Variants in ERN1 observed in about 807,000 individuals in gnomAD.
The protein encoded by ERN1 is endoplasmic reticulum to nucleus signaling 1, also known as serine/threonine-protein kinase/endoribonuclease IRE1.
ERN1 carries 39 observed loss-of-function variants against 113.1 expected under a neutral mutation model. The ratio of observed to expected loss-of-function variants is 0.34; its 90% CI spans 0.27 to 0.45. The LOEUF (loss-of-function observed/expected upper bound fraction) is 0.45. ERN1 is among the 20% of genes least tolerant of loss of function. The pLI is 1.00. For synonymous variants in ERN1, 507 were observed against 515.9 expected (o/e 0.98, Z 0.23); for missense variants, 976 against 1,274.8 (o/e 0.77, Z 3.57).
At chr17:64,073,391 G>A (rs1363801870) in intron 5 of ERN1, among the ~76,000 whole-genome samples, 6 of 146,032 alleles carry the variant, frequency 4.1e-5, no homozygotes, top group Non-Finnish European at 6.0e-5. Context: ...TAGTCAGGAT[G>A]GTCTCCATCT....
intron 8 of ERN1, among the ~76,000 whole-genome samples, 198 bp from the exon 9 acceptor site, chr17:64,065,485 A>C (rs1457600597): frequency 6.6e-6 from 1 of 152,134 alleles, no homozygotes; most frequent in Non-Finnish European, 1.5e-5. Context: ...GCTGTCACTC[A>C]CTGCAGAAAC....
chr17:64,054,688 G>A lies in ERN1; in HGVS notation c.1763+50C>T. 1 of 1,436,044 alleles carries A rather than the reference G, an allele frequency of 7.0e-7. No homozygotes were observed. Among genetic ancestry groups the A allele is most frequent in the Non-Finnish European group, 9.6e-7 (1 of 1,042,256 alleles). 89.0% of individuals were successfully genotyped at this position (1,436,044 alleles called of 1,614,324 possible). ...CTGGCACCAGGCTCGCAACCTGACAGGCACTTAGACACCAGGCGGTGAGGG... is the reference window on the plus strand; with the variant it reads ...CTGGCACCAGGCTCGCAACCTGACAAGCACTTAGACACCAGGCGGTGAGGG... On this transcript the variant is annotated intron_variant, in intron 14 of 21. Coordinates refer to ENST00000433197, the MANE Select transcript of ERN1 (RefSeq NM_001433.5). The surrounding 1 kb of genome is among the most constrained non-coding windows in gnomAD (Gnocchi z 4.9).
At chr17:64,060,171 C>G (rs780557282) in intron 11 of ERN1, among the ~76,000 whole-genome samples, 1 of 152,158 alleles carries the variant, frequency 6.6e-6, no homozygotes, top group Non-Finnish European at 1.5e-5. Context: ...AGGCTTTTGC[C>G]CTTGCTGTTC....
rs1555614071 is a variant in ERN1, at chr17:64,064,073, T to G, written c.1000A>C (p.Ile334Leu). 6 of 1,613,672 alleles carry G rather than the reference T, an allele frequency of 3.7e-6. No individual in the cohort carries two copies. The Admixed American group carries it at 1.0e-4, about 27-fold the overall frequency. The change falls in exon 10 of 22, where the codon ATC becomes CTC. Residue 334 changes from isoleucine to leucine, a missense_variant. By Grantham distance (5) the Ile-to-Leu change is conservative. This residue lies in a region of ERN1 where 459 missense variants were observed against 581.2 expected (regional missense o/e 0.79). Coordinates refer to ENST00000433197, the MANE Select transcript of ERN1 (RefSeq NM_001433.5). ...AACTTGACGTCCGTGCTGGGCGTGA[T>G]CACACACTCCCCCTTGTCCCCAATG... Reference protein sequence around the residue: ...VTIGDKGECVITPSTDVKFDP... With the variant: ...VTIGDKGECVLTPSTDVKFDP...
chr17:64,128,007 C>CT (rs538770412), intron 1 of ERN1, among the ~76,000 whole-genome samples: 11,540 of 144,044 alleles, frequency 0.08, 573 homozygotes, highest in African/African-American at 0.13. Context: ...TCTGACCTTT[C>CT]TTTTTTTTTT....
chr17:64,114,692 C>T (rs1914759693), intron 1 of ERN1, among the ~76,000 whole-genome samples: 1 of 151,816 alleles, frequency 6.6e-6, no homozygotes. Context: ...TTGCTGTTCA[C>T]ATCGTTGTAA....
intron 5 of ERN1, among the ~76,000 whole-genome samples, chr17:64,073,200 G>A (rs1052718416): frequency 9.2e-5 from 14 of 151,758 alleles, no homozygotes; most frequent in Non-Finnish European, 1.9e-4. Flanking sequence ...ATGGAGTCTC[G>A]CTCTGCCGCC....
intron 2 of ERN1, among the ~76,000 whole-genome samples, chr17:64,091,219 C>T (rs1291389727): frequency 6.6e-6 from 1 of 152,226 alleles, no homozygotes; most frequent in Non-Finnish European, 1.5e-5. Flanking sequence ...GTCCCACACA[C>T]TGCCTAAAGC....
intron 6 of ERN1, 34 bp from the exon 7 acceptor site, chr17:64,068,325 G>A (rs749688673): frequency 5.3e-5 from 77 of 1,453,356 alleles, no homozygotes; most frequent in East Asian, 1.9e-4. Flanking sequence ...CCATTACCAC[G>A]GAGGGGCCAT....
intron 6 of ERN1, among the ~76,000 whole-genome samples, chr17:64,069,744 C>T (rs1186467046): frequency 6.6e-6 from 1 of 152,100 alleles, no homozygotes; most frequent in African/African-American, 2.4e-5. Context: ...GGAGAAAGAC[C>T]CTGTCTCTTT....
chr17:64,106,643 G>A (rs1914534447), intron 1 of ERN1, among the ~76,000 whole-genome samples: 1 of 150,872 alleles, frequency 6.6e-6, no homozygotes, highest in Admixed American at 6.6e-5. Context: ...GGATGGATCA[G>A]CTGATTTTAA....
chr17:64,126,727 G>A (rs1466682355), intron 1 of ERN1, among the ~76,000 whole-genome samples: 2 of 151,954 alleles, frequency 1.3e-5, no homozygotes, highest in African/African-American at 4.8e-5. Context: ...ACTTGATATC[G>A]CCTATTAGGA....
At chr17:64,107,740 C>A (rs142215265) in intron 1 of ERN1, among the ~76,000 whole-genome samples, 5,282 of 152,250 alleles carry the variant, frequency 0.035, 124 homozygotes, top group Non-Finnish European at 0.052. Flanking sequence ...CAGTGAGTAA[C>A]AAATATTTCA....
Position 64,039,283 on chromosome 17 carries a change from CA to C in ERN1, c.*4704del, listed in dbSNP as rs1234240750. ...CTCATGTCTTCAAGCTTTAAAAATG[CA>C]CATAAAAGTTGTACAATCTGGCAGT... On this transcript the variant is annotated 3_prime_UTR_variant, in exon 22 of 22. Transcript: ENST00000433197. The C allele has an allele frequency of 1.3e-5, 2 of 152,112 alleles. No individual in the cohort carries two copies. The highest frequency in any genetic ancestry group is 4.8e-5 in the African/African-American group (2 of 41,412). The allele number at this position is 152,112 out of a possible 1,614,324, so 9.4% of individuals were successfully genotyped here.
At chr17:64,124,593 T>C (rs1036679465) in intron 1 of ERN1, among the ~76,000 whole-genome samples, 5 of 152,230 alleles carry the variant, frequency 3.3e-5, no homozygotes, top group Admixed American at 6.5e-5. Context: ...CAACGTAAGA[T>C]GTGACTTGCT....
At chr17:64,104,485 C>T (rs113206910) in intron 1 of ERN1, among the ~76,000 whole-genome samples, 123 of 152,136 alleles carry the variant, frequency 8.1e-4, no homozygotes, top group African/African-American at 2.8e-3. Context: ...CAATTTCAGA[C>T]ATACATTTCA....
chr17:64,082,745 C>T (rs1913805267), intron 2 of ERN1, among the ~76,000 whole-genome samples: 1 of 152,166 alleles, frequency 6.6e-6, no homozygotes, highest in Admixed American at 6.5e-5. Context: ...GGCCTCAGGT[C>T]CCAAGATATG....
At chr17:64,065,362 C>G (rs1913187751) in intron 8 of ERN1, 75 bp from the exon 9 acceptor site, 2 of 1,066,582 alleles carry the variant, frequency 1.9e-6, no homozygotes, top group African/African-American at 3.2e-5. Context: ...AATCATCACC[C>G]CAAATACCAC....
In ERN1 at chr17:64,068,234, T is replaced by G. The variant is rs1487153545; in HGVS notation, c.536A>C (p.Tyr179Ser). The change falls in exon 7 of 22, where the codon TAC becomes TCC. Residue 179 changes from tyrosine (Y) to serine (S), a missense_variant. Coordinates refer to ENST00000433197, the MANE Select transcript of ERN1 (RefSeq NM_001433.5). ...KTRELRWNAT[Y>S]FDYAASLPED... is the part of the protein sequence containing the mutation. The stretch of plus-strand genomic sequence containing the variant: ...AGGCAGTGAGGCCGCATAGTCAAAG[T>G]AGGTGGCATTCCACCGGAGCTCTCG... 1 of 1,612,716 alleles carries G rather than the reference T, an allele frequency of 6.2e-7. No individual in the cohort carries two copies. The highest frequency in any genetic ancestry group is 1.1e-5 in the South Asian group (1 of 90,688).
Sources: allele counts gnomAD v4.1 joint callset (sites outside exome capture counted in the v4.1 genomes callset), GRCh38; gene constraint gnomAD v4.1.1; regional missense constraint gnomAD v4.1.1; non-coding constraint Gnocchi (gnomAD v3.1); transcripts MANE v1.5; gene names NCBI Gene and HGNC (gene_info 2026-07-23, HGNC 2026-07-21).